CD2AP: variants seen among roughly 807,000 people sequenced by gnomAD.
CD2AP encodes the protein CD2-associated protein.
Under a neutral mutation model 85.1 loss-of-function variants are expected in CD2AP, and 46 were observed. The ratio of observed to expected loss-of-function variants is 0.54; its 90% CI spans 0.43 to 0.69. The LOEUF (loss-of-function observed/expected upper bound fraction) is 0.69. CD2AP is among the 30% of genes least tolerant of loss of function. The pLI, the probability that CD2AP is intolerant of heterozygous loss-of-function variation, is 0.00. For missense variants in CD2AP, 769 were observed against 729.5 expected, an observed-to-expected ratio of 1.05 and a Z score of -0.62; for synonymous variants, 255 against 252.9, an observed-to-expected ratio of 1.01 and a Z score of -0.08.
At chr6:47,559,072 A>T (rs546487349) in intron 5 of CD2AP, among the ~76,000 whole-genome samples, 2 of 151,940 alleles carry the variant, frequency 1.3e-5, no homozygotes, top group Non-Finnish European at 2.9e-5. Context: ...TGTGTCCAGG[A>T]ATTTATCCAT....
At chr6:47,479,977 G>C (rs1765404853) in intron 1 of CD2AP, among the ~76,000 whole-genome samples, 1 of 152,020 alleles carries the variant, frequency 6.6e-6, no homozygotes, top group South Asian at 2.1e-4. Flanking sequence ...AGTGTGTGAG[G>C]TCGTCTCTGG....
intron 11 of CD2AP, among the ~76,000 whole-genome samples, chr6:47,590,604 A>G (rs1768767408): frequency 6.6e-6 from 1 of 152,148 alleles, no homozygotes; most frequent in African/African-American, 2.4e-5. Flanking sequence ...ACTTTTGTGC[A>G]GGCACGTTCC....
Position 47,625,702 on chromosome 6 carries a change from TTATAA to T in CD2AP, c.*1480_*1484del, listed in dbSNP as rs1008865066. 29 of 151,970 alleles carry T rather than the reference TTATAA, an allele frequency of 1.9e-4. No homozygotes were observed. The highest frequency in any genetic ancestry group is 1.4e-3 in the Admixed American group (22 of 15,238). 9.4% of individuals were successfully genotyped at this position (151,970 alleles called of 1,614,324 possible). A position where few individuals can be genotyped will look rare whatever the true frequency, so the allele number is the denominator to read the frequency against. ...AATATTTTTCCTTTAAATTTTAATC[TTATAA>T]TATAGAAATCTTATGTAAATGAAAT... On this transcript the variant is annotated 3_prime_UTR_variant, in exon 18 of 18. Coordinates refer to ENST00000359314, the MANE Select transcript of CD2AP (RefSeq NM_012120.3).
rs541103120 is a variant in CD2AP at position 47,592,218 on chromosome 6, TC to T, written c.1109-3642del. ...GCAGCTAACATAGAACTTTTTTTTT[TC>T]TCCTTAAATCTACATTTTCTCTTGG... On this transcript the variant is annotated intron_variant, in intron 11 of 17. Coordinates refer to ENST00000359314, the MANE Select transcript of CD2AP (RefSeq NM_012120.3). Among the ~76,000 whole-genome samples the T allele has an allele frequency of 3.5e-4, 53 of 152,204 alleles. 1 individual carries two copies. The East Asian group carries it at 8.9e-3, about 26-fold the overall frequency.
chr6:47,610,949 T>TTATATATATA (rs10580325), intron 16 of CD2AP, among the ~76,000 whole-genome samples: 8 of 114,222 alleles, frequency 7.0e-5, no homozygotes, highest in East Asian at 4.4e-4. Context: ...TATTTCTGAT[T>TTATATATATA]TATATATATA....
At position 47,544,151 on chromosome 6, in the gene CD2AP, GATAAA is replaced by G. The variant is rs139698309; in HGVS notation, c.320-449_320-445del. 9.9e-5 allele frequency among the ~76,000 whole-genome samples: 15 copies of G among 152,266 alleles called. No homozygotes were observed. In the East Asian group the frequency reaches 2.3e-3, roughly 23 times the overall value. On this transcript the variant is annotated intron_variant, in intron 3 of 17. Coordinates refer to ENST00000359314, the MANE Select transcript of CD2AP (RefSeq NM_012120.3). ...CTGTCTGAAAATAGTTATTAAAGAA[GATAAA>G]ATAAATTTGAAATTTGTACATCTTA...
At position 47,612,529 on chromosome 6, in the gene CD2AP, A is replaced by G. The variant is rs1209467481; in HGVS notation, c.1871A>G (p.Asn624Ser). ...GAAGAAGAGAAGACAATGAGAAGTA[A>G]TCTAGAGGTAATTAATTTCTTCCAG... ...DLEEEKTMRS[N>S]LEMEIEKLKK... The change falls in exon 17 of 18, where the codon AAT becomes AGT. Residue 624 changes from asparagine (N) to serine (S), a missense_variant. Asn to Ser is a conservative substitution (Grantham distance 46). Coordinates refer to ENST00000359314, the MANE Select transcript of CD2AP (RefSeq NM_012120.3). 6.2e-7 allele frequency: 1 copy of G among 1,604,476 alleles called. No individual in the cohort carries two copies. The highest frequency in any genetic ancestry group is 8.5e-7 in the Non-Finnish European group (1 of 1,171,730).
At chr6:47,599,266 A>G (rs371138620) in intron 12 of CD2AP, 35 bp from the exon 13 acceptor site, 10 of 1,590,696 alleles carry the variant, frequency 6.3e-6, no homozygotes, top group African/African-American at 1.3e-5. Flanking sequence ...CGTGTTTCAT[A>G]CTAGTGATTT....
intron 9 of CD2AP, among the ~76,000 whole-genome samples, chr6:47,580,210 A>C (rs756231638): frequency 2.0e-5 from 3 of 152,180 alleles, no homozygotes; most frequent in Non-Finnish European, 4.4e-5. Flanking sequence ...TTACTAAAGA[A>C]TACGTTTTTC....
intron 1 of CD2AP, among the ~76,000 whole-genome samples, chr6:47,495,573 C>T (rs1250797503): frequency 2.6e-5 from 4 of 152,178 alleles, no homozygotes; most frequent in Admixed American, 1.3e-4. Flanking sequence ...GCAGCTTCTA[C>T]TCTAGGTAAT....
chr6:47,495,921 A>T (rs185521943), intron 1 of CD2AP, among the ~76,000 whole-genome samples: 17 of 152,312 alleles, frequency 1.1e-4, no homozygotes, highest in African/African-American at 3.6e-4. Flanking sequence ...ATACCATACA[A>T]GGATCTTGGA....
At chr6:47,569,164 T>A (rs1768081261) in intron 5 of CD2AP, among the ~76,000 whole-genome samples, 1 of 152,188 alleles carries the variant, frequency 6.6e-6, no homozygotes, top group Non-Finnish European at 1.5e-5. Context: ...AGATTTGTTT[T>A]GTTCTTTTTC....
chr6:47,501,985 A>G (rs1449301942), intron 1 of CD2AP, among the ~76,000 whole-genome samples: 2 of 152,216 alleles, frequency 1.3e-5, no homozygotes, highest in Admixed American at 6.5e-5. Flanking sequence ...GAGTCTGGGC[A>G]TGGCCAGCTG....
At chr6:47,545,980 C>T (rs1767356131) in intron 4 of CD2AP, among the ~76,000 whole-genome samples, 1 of 152,010 alleles carries the variant, frequency 6.6e-6, no homozygotes, top group Non-Finnish European at 1.5e-5. Context: ...CACTAGCTCA[C>T]CAGCAAGGTA....
intron 11 of CD2AP, 97 bp from the exon 12 acceptor site, chr6:47,595,764 C>T (rs1337097851): frequency 1.2e-4 from 111 of 918,274 alleles, no homozygotes; most frequent in Non-Finnish European, 2.3e-5. Flanking sequence ...TCATGTCTGC[C>T]TCTGTCACAC....
At chr6:47,499,951 A>G (rs377262117) in intron 1 of CD2AP, among the ~76,000 whole-genome samples, 6 of 151,894 alleles carry the variant, frequency 4.0e-5, no homozygotes, top group African/African-American at 1.5e-4. Flanking sequence ...CTGGTCTCGA[A>G]CTCCTGACCT....
intron 4 of CD2AP, among the ~76,000 whole-genome samples, chr6:47,550,717 A>C (rs1362082647): frequency 6.6e-6 from 1 of 152,048 alleles, no homozygotes; most frequent in Non-Finnish European, 1.5e-5. Flanking sequence ...TATATGAAAA[A>C]GATAGTTGCA....
At chr6:47,617,923 T>C (rs1382048022) in intron 17 of CD2AP, among the ~76,000 whole-genome samples, 1 of 152,216 alleles carries the variant, frequency 6.6e-6, no homozygotes, top group Non-Finnish European at 1.5e-5. Flanking sequence ...TTTCTTGGAT[T>C]GTCCTTTTGC....
chr6:47,600,524 C>G (rs1325007493), intron 13 of CD2AP, among the ~76,000 whole-genome samples: 1 of 151,802 alleles, frequency 6.6e-6, no homozygotes, highest in African/African-American at 2.4e-5. Context: ...TTTATTTGAA[C>G]ATCTTATAGA....
Sources: gnomAD v4.1 joint callset for allele counts (sites outside exome capture counted in the v4.1 genomes callset) on GRCh38, gnomAD v4.1.1 for gene constraint, MANE v1.5 for transcripts, NCBI Gene and HGNC (gene_info 2026-07-23, HGNC 2026-07-21) for gene names.